The following SHISA9 variants were observed in gnomAD, a reference collection of about 807,000 sequenced individuals.
The protein encoded by SHISA9 is shisa family member 9, also known as protein shisa-9.
A neutral mutation model predicts 38.0 loss-of-function variants in SHISA9; 13 were observed. The ratio of observed to expected loss-of-function variants is 0.34; its 90% confidence interval spans 0.22 to 0.54. SHISA9 has a LOEUF of 0.54. Among genes scored for constraint, SHISA9 ranks in the 20% least tolerant of loss-of-function variants. The pLI, the probability that SHISA9 is intolerant of heterozygous loss-of-function variation, is 0.91. For synonymous variants in SHISA9, 275 were observed against 242.0 expected, an observed-to-expected ratio of 1.14 and a Z score of -1.27; for missense variants, 538 against 575.8, an observed-to-expected ratio of 0.93 and a Z score of 0.67.
chr16:13,206,620 G>A (rs2051067373), intron 3 of SHISA9, among the ~76,000 whole-genome samples: 1 of 152,330 alleles, frequency 6.6e-6, no homozygotes, highest in South Asian at 2.1e-4. Flanking sequence ...AAGATTTCCA[G>A]ATGGAATCAT....
At chr16:13,027,234 T>G (rs2072933835) in intron 2 of SHISA9, among the ~76,000 whole-genome samples, 1 of 152,230 alleles carries the variant, frequency 6.6e-6, no homozygotes, top group Admixed American at 6.5e-5. Flanking sequence ...GAGGATGGAC[T>G]CCATCAATAT....
chr16:13,136,481 C>T (rs1044800826), intron 2 of SHISA9, among the ~76,000 whole-genome samples: 1 of 149,006 alleles, frequency 6.7e-6, no homozygotes, highest in African/African-American at 2.5e-5. Flanking sequence ...TCACTGCAAC[C>T]TCCACCTCCC....
At chr16:13,158,629 C>T (rs2050567932) in intron 2 of SHISA9, among the ~76,000 whole-genome samples, 1 of 152,140 alleles carries the variant, frequency 6.6e-6, no homozygotes, top group Non-Finnish European at 1.5e-5. Flanking sequence ...CATGCTCTTG[C>T]CTGTGCCACA....
At chr16:13,530,293 T>C in the SHISA9 span, among the ~76,000 whole-genome samples, 1 of 152,146 alleles carries the variant, frequency 6.6e-6, no homozygotes, top group African/African-American at 2.4e-5. Context: ...AGAGTGAGAC[T>C]CCGTCTCAAA....
the SHISA9 span, among the ~76,000 whole-genome samples, chr16:13,479,722 G>A: frequency 1.3e-5 from 2 of 152,180 alleles, no homozygotes; most frequent in Non-Finnish European, 2.9e-5. Context: ...GGAGACCAGA[G>A]ACATGACCAG....
At position 12,902,107 on chromosome 16, in the gene SHISA9, G is replaced by A; in HGVS notation, c.43G>A (p.Glu15Lys). The change falls in exon 1 of 5, where the codon GAG becomes AAG. Residue 15 changes from glutamate to lysine, a missense_variant. Glu to Lys is a moderately conservative substitution (Grantham distance 56). Around this residue, in one of 4 missense-constraint regions of SHISA9, gnomAD observed 107 missense variants for 103.0 expected, o/e 1.04. Transcript: ENST00000558583. ...GCTGCTCCTCGGTTGCTTCCTCACC[G>A]AGCTGTGCGCCCGCGTGTGCCGGGC... ...LRLLLGCFLT[E>K]LCARVCRAQE... 6.7e-7 allele frequency: 1 copy of A among 1,498,970 alleles called. No homozygotes were observed. Among genetic ancestry groups the A allele is most frequent in the Non-Finnish European group, 8.8e-7 (1 of 1,132,696 alleles). The allele number at this position is 1,498,970 out of a possible 1,614,324, so 92.9% of individuals were successfully genotyped here.
chr16:13,029,434 C>T (rs569631002), intron 2 of SHISA9, among the ~76,000 whole-genome samples: 1 of 152,282 alleles, frequency 6.6e-6, no homozygotes, highest in African/African-American at 2.4e-5. Context: ...AGCAAAACCT[C>T]GTCTCTACAA....
chr16:13,500,062 C>T, the SHISA9 span, among the ~76,000 whole-genome samples: 1 of 152,170 alleles, frequency 6.6e-6, no homozygotes, highest in Non-Finnish European at 1.5e-5. Flanking sequence ...ACCCAAATCT[C>T]ATCTTGAATT....
At chr16:13,479,804 C>T in the SHISA9 span, among the ~76,000 whole-genome samples, 1 of 152,176 alleles carries the variant, frequency 6.6e-6, no homozygotes, top group African/African-American at 2.4e-5. Context: ...AAAGCTGGTT[C>T]AGTTCTATTC....
intron 2 of SHISA9, among the ~76,000 whole-genome samples, chr16:13,075,510 G>A (rs13333772): frequency 0.05 from 7,660 of 152,212 alleles, 334 homozygotes; most frequent in Admixed American, 0.14. Flanking sequence ...GACGCAGCAG[G>A]CTGGGAGGAA....
the SHISA9 span, among the ~76,000 whole-genome samples, chr16:13,340,136 A>T: frequency 2.6e-5 from 4 of 152,192 alleles, no homozygotes; most frequent in African/African-American, 4.8e-5. Context: ...ACCTCTTGGG[A>T]CTAATTGACA....
intron 2 of SHISA9, among the ~76,000 whole-genome samples, chr16:13,124,760 A>C (rs537013033): frequency 6.6e-6 from 1 of 152,096 alleles, no homozygotes; most frequent in Non-Finnish European, 1.5e-5. Context: ...GCACTGGCAT[A>C]AAAAAAAGAC....
chr16:13,533,021 A>T, the SHISA9 span, among the ~76,000 whole-genome samples: 1 of 152,050 alleles, frequency 6.6e-6, no homozygotes. Flanking sequence ...AGTGCATCAG[A>T]TCCAAGATCT....
intron 2 of SHISA9, among the ~76,000 whole-genome samples, chr16:13,066,861 A>G (rs1288402060): frequency 3.9e-5 from 6 of 152,222 alleles, no homozygotes; most frequent in African/African-American, 1.4e-4. Flanking sequence ...AATAAGTGGC[A>G]TGGTTGCACT....
At chr16:12,993,674 A>T (rs1013643076) in intron 2 of SHISA9, among the ~76,000 whole-genome samples, 1 of 152,156 alleles carries the variant, frequency 6.6e-6, no homozygotes, top group African/African-American at 2.4e-5. Flanking sequence ...GGAGGCACAC[A>T]TCAAGCTGAT....
the SHISA9 span, among the ~76,000 whole-genome samples, chr16:13,434,708 G>A: frequency 3.9e-5 from 6 of 152,200 alleles, no homozygotes; most frequent in East Asian, 3.9e-4. Context: ...ATGAGCCACC[G>A]TGCCAGGCCT....
chr16:13,516,757 C>T, the SHISA9 span, among the ~76,000 whole-genome samples: 1 of 149,052 alleles, frequency 6.7e-6, no homozygotes, highest in African/African-American at 2.5e-5. Context: ...AAGACTGTGC[C>T]ACTGCACTCT....
the SHISA9 span, among the ~76,000 whole-genome samples, chr16:13,526,563 T>G: frequency 6.6e-6 from 1 of 152,114 alleles, no homozygotes; most frequent in Non-Finnish European, 1.5e-5. Context: ...TTTGTATTTT[T>G]TTAGTAGAGA....
chr16:13,064,789 A>G (rs1312649913), intron 2 of SHISA9, among the ~76,000 whole-genome samples: 2 of 131,886 alleles, frequency 1.5e-5, no homozygotes, highest in African/African-American at 2.9e-5. Context: ...TAAGGCAAAA[A>G]AAAAAAAAAA....
Sources: allele counts gnomAD v4.1 joint callset (sites outside exome capture counted in the v4.1 genomes callset), GRCh38; gene constraint gnomAD v4.1.1; regional missense constraint gnomAD v4.1.1; transcripts MANE v1.5; gene names NCBI Gene and HGNC (gene_info 2026-07-23, HGNC 2026-07-21).